The following EPHB4 variants were observed in gnomAD, a reference collection of about 807,000 sequenced individuals.
EPHB4 encodes ephrin type-B receptor 4.
EPHB4 carries 50 observed loss-of-function variants against 110.6 expected under a neutral mutation model. That is an observed-to-expected ratio of 0.45 (90% CI 0.36 to 0.57). EPHB4 has a LOEUF of 0.57. Among genes scored for constraint, EPHB4 ranks in the 20% least tolerant of loss-of-function variants. The probability of loss-of-function intolerance (pLI) is 0.00; values close to 1 mark genes in which losing one functional copy is unlikely to be tolerated. For missense variants in EPHB4, 1,128 were observed against 1,382.1 expected (o/e 0.82, Z 2.91); for synonymous variants, 592 against 578.4 (o/e 1.02, Z -0.34).
At position 100,813,194 on chromosome 7, in the gene EPHB4, T is replaced by C. The variant is rs1356280603; in HGVS notation, c.1771A>G (p.Ile591Val). Residue 591 changes from isoleucine (I) to valine (V), a missense_variant, in exon 11 of 17, where the codon ATC becomes GTC. Ile to Val is a conservative substitution (Grantham distance 29, BLOSUM62 3). Around this residue, in one of 3 missense-constraint regions of EPHB4, gnomAD observed 191 missense variants for 313.0 expected, o/e 0.61. Transcript: ENST00000358173. ...YLIGHGTKVY[I>V]DPFTYEDPNE... ...GGGTCTTCATAAGTGAAGGGGTCGA[T>C]GTAGACCTTAGTACCTGAGAAATCA... 3 of 1,603,602 alleles carry C rather than the reference T, an allele frequency of 1.9e-6. No individual in the cohort carries two copies. Among genetic ancestry groups the C allele is most frequent in the Non-Finnish European group, 1.7e-6 (2 of 1,179,974 alleles).
intron 8 of EPHB4, among the ~76,000 whole-genome samples, chr7:100,816,600 C>A (rs1813072880): frequency 6.6e-6 from 1 of 151,786 alleles, no homozygotes; most frequent in South Asian, 2.1e-4. Flanking sequence ...TCCCAAAGTG[C>A]TGGGGTTACA....
At position 100,827,171 on chromosome 7, in the gene EPHB4, G is replaced by T; in HGVS notation, c.-141C>A. On this transcript the variant is annotated 5_prime_UTR_variant, in exon 1 of 17. Coordinates refer to ENST00000358173, the MANE Select transcript of EPHB4 (RefSeq NM_004444.5). ...GCCCTCAGCGCGGGCCCATGCGAGC[G>T]TGCGGGGCACCGGGCGGCGGCGCCA... The T allele has an allele frequency of 1.2e-6, 1 of 814,850 alleles. No homozygotes were observed. Among genetic ancestry groups the T allele is most frequent in the Non-Finnish European group, 1.7e-6 (1 of 584,736 alleles). 50.5% of individuals were successfully genotyped at this position (814,850 alleles called of 1,614,324 possible). A position where few individuals can be genotyped will look rare whatever the true frequency, so the allele number is the denominator to read the frequency against.
chr7:100,811,768 G>A (rs527484929), intron 12 of EPHB4, among the ~76,000 whole-genome samples: 2 of 152,000 alleles, frequency 1.3e-5, no homozygotes, highest in African/African-American at 2.4e-5. Context: ...TACTCAGGAG[G>A]CTGAGGCGGG....
At chr7:100,812,453 G>A (rs544929602) in intron 12 of EPHB4, among the ~76,000 whole-genome samples, 2 of 152,200 alleles carry the variant, frequency 1.3e-5, no homozygotes, top group East Asian at 3.9e-4. Context: ...AGTCAGCATG[G>A]TGGTGCATGC....
chr7:100,807,647 T>TA, intron 12 of EPHB4, 67 bp from the exon 13 acceptor site: 1 of 1,490,144 alleles, frequency 6.7e-7, no homozygotes. Flanking sequence ...CCCATCCACA[T>TA]CTTTTTTTTT....
intron 6 of EPHB4, 102 bp downstream of exon 6, chr7:100,819,455 A>G: frequency 1.5e-6 from 2 of 1,354,952 alleles, no homozygotes; most frequent in East Asian, 2.3e-5. Context: ...AGCCCCTCAC[A>G]CTTCCGGGGT....
intron 12 of EPHB4, among the ~76,000 whole-genome samples, chr7:100,811,358 T>C (rs1812929587): frequency 6.6e-6 from 1 of 152,146 alleles, no homozygotes; most frequent in African/African-American, 2.4e-5. Context: ...TAGCCACATC[T>C]GCATGAAGGA....
intron 16 of EPHB4, among the ~76,000 whole-genome samples, chr7:100,804,226 C>T (rs1044361165): frequency 1.3e-5 from 2 of 150,720 alleles, no homozygotes; most frequent in Non-Finnish European, 2.9e-5. Flanking sequence ...CTCTCAAACT[C>T]CTGGGCTCAA....
At position 100,827,015 on chromosome 7, in the gene EPHB4, G is replaced by A. The variant is rs747556916; in HGVS notation, c.16C>T (p.Leu6=). The change falls in exon 1 of 17, where the codon CTG becomes TTG. Residue 6 remains leucine, a synonymous_variant. Coordinates refer to ENST00000358173, the MANE Select transcript of EPHB4 (RefSeq NM_004444.5). ...GCGGCCAACGAAGCCCAGCAGAGCAGCACCCGGAGCTCCATGGCGCCGCCT... is the reference window on the plus strand; with the variant it reads ...GCGGCCAACGAAGCCCAGCAGAGCAACACCCGGAGCTCCATGGCGCCGCCT... The part of the protein sequence containing the change: MELRV[L]LCWASLAAAL... 1 of 1,584,110 alleles carries A rather than the reference G, an allele frequency of 6.3e-7. No homozygotes were observed. Among genetic ancestry groups the A allele is most frequent in the South Asian group, 1.2e-5 (1 of 86,686 alleles).
chr7:100,819,917 G>C, intron 5 of EPHB4, 28 bp from the exon 6 acceptor site: 1 of 1,530,346 alleles, frequency 6.5e-7, no homozygotes, highest in South Asian at 1.2e-5. Context: ...GTCAGGCAGA[G>C]GCCGACCTGC....
rs578073659 is a variant in EPHB4 at position 100,821,650 on chromosome 7, T to G, written c.808+621A>C. On this transcript the variant is annotated intron_variant, in intron 4 of 16. Coordinates refer to ENST00000358173, the MANE Select transcript of EPHB4 (RefSeq NM_004444.5). ...CTTGAAAAAAAAAAAAAAATTTTTT[T>G]TAGAGACGGGGTCTTGCTCTGTCAC... Among the ~76,000 whole-genome samples, 524 of 150,958 alleles carry G rather than the reference T, an allele frequency of 3.5e-3. 4 individuals are homozygous for G. The highest frequency in any genetic ancestry group is 0.012 in the African/African-American group (498 of 41,252).
chr7:100,807,852 C>G (rs1292936197), intron 12 of EPHB4, among the ~76,000 whole-genome samples: 1 of 152,098 alleles, frequency 6.6e-6, no homozygotes, highest in Non-Finnish European at 1.5e-5. Flanking sequence ...TGGTCTTTAA[C>G]TCCTGGCCTG....
At chr7:100,820,346 G>A (rs1486515462) in intron 4 of EPHB4, 50 bp from the exon 5 acceptor site, 2 of 1,580,008 alleles carry the variant, frequency 1.3e-6, no homozygotes, top group African/African-American at 1.4e-5. Flanking sequence ...ACATCCATCT[G>A]CACGGTGGGC....
chr7:100,803,610 C>T lies in EPHB4; in HGVS notation c.2835-20G>A, dbSNP rs769456757. 4 of 1,585,016 alleles carry T rather than the reference C, an allele frequency of 2.5e-6. No individual in the cohort carries two copies. The highest frequency in any genetic ancestry group is 3.4e-6 in the Non-Finnish European group (4 of 1,160,310). On this transcript the variant is annotated intron_variant, in intron 16 of 16. Transcript: ENST00000358173. ...AGGTCCCTGCAGAAGGAAAGGAGAGCTTGGTGAGACCCTAGGTTCCCTGTG... is the reference window on the plus strand; with the variant it reads ...AGGTCCCTGCAGAAGGAAAGGAGAGTTTGGTGAGACCCTAGGTTCCCTGTG...
chr7:100,817,918 C>T (rs908045239), intron 7 of EPHB4, among the ~76,000 whole-genome samples: 3 of 119,790 alleles, frequency 2.5e-5, no homozygotes, highest in Non-Finnish European at 4.8e-5. Flanking sequence ...CCAGGCCGGA[C>T]TGCAGTGGCG....
chr7:100,805,328 G>C lies in EPHB4; in HGVS notation c.2679-7C>G. On this transcript the variant is annotated splice_region_variant and splice_polypyrimidine_tract_variant and intron_variant, in intron 15 of 16. Transcript: ENST00000358173. ...CAGGAGAGGGTGTGAGGCCCTAGGG[G>C]GCAAGGATGGGGAGGAATGCTGAGT... 1 of 1,613,746 alleles carries C rather than the reference G, an allele frequency of 6.2e-7. No homozygotes were observed. Among genetic ancestry groups the C allele is most frequent in the South Asian group, 1.1e-5 (1 of 91,010 alleles).
At chr7:100,811,299 T>C (rs1812927777) in intron 12 of EPHB4, among the ~76,000 whole-genome samples, 1 of 150,006 alleles carries the variant, frequency 6.7e-6, no homozygotes, top group Non-Finnish European at 1.5e-5. Flanking sequence ...AAAAAGTCAG[T>C]AAAATCTGGT....
rs535217865 is a variant in EPHB4 at position 100,816,026 on chromosome 7, C to G, written c.1588+1166G>C. 8.6e-5 allele frequency among the ~76,000 whole-genome samples: 13 copies of G among 151,854 alleles called. 1 individual carries two copies. In the East Asian group the frequency reaches 2.4e-3, roughly 28 times the overall value. Reference sequence around the variant, plus strand: ...AAGTTAGGCCGGGCGTGGTGGCTCACGCCAGCAGTCCCAGCATTTCGGGAA... The same window carrying G: ...AAGTTAGGCCGGGCGTGGTGGCTCAGGCCAGCAGTCCCAGCATTTCGGGAA... On this transcript the variant is annotated intron_variant, in intron 8 of 16. Coordinates refer to ENST00000358173, the MANE Select transcript of EPHB4 (RefSeq NM_004444.5).
At position 100,807,597 on chromosome 7, in the gene EPHB4, G is replaced by A. The variant is rs752937457; in HGVS notation, c.2119-17C>T. ...GTCGTTTAGCTGGAGAGCAGATAGG[G>A]TGGGGGCTTGGTGAGGACAGCCCAC... On this transcript the variant is annotated splice_polypyrimidine_tract_variant and intron_variant, in intron 12 of 16. Coordinates refer to ENST00000358173, the MANE Select transcript of EPHB4 (RefSeq NM_004444.5). The A allele has an allele frequency of 6.2e-7, 1 of 1,609,310 alleles. No individual in the cohort carries two copies. The highest frequency in any genetic ancestry group is 8.5e-7 in the Non-Finnish European group (1 of 1,176,542).
Sources: allele counts gnomAD v4.1 joint callset (sites outside exome capture counted in the v4.1 genomes callset), GRCh38; gene constraint gnomAD v4.1.1; regional missense constraint gnomAD v4.1.1; transcripts MANE v1.5; gene names NCBI Gene and HGNC (gene_info 2026-07-23, HGNC 2026-07-21).